Variants in BCL11A observed in about 807,000 individuals in gnomAD.
BCL11A encodes the protein B cell CLL/lymphoma 11A.
A neutral mutation model predicts 55.9 loss-of-function variants in BCL11A; 2 were observed. The observed-to-expected ratio is 0.04, with a 90% CI of 0.01 to 0.11. The LOEUF (loss-of-function observed/expected upper bound fraction) is 0.11. Ranked by LOEUF, BCL11A falls within the 10% of genes least tolerant of loss-of-function variation. The pLI is 1.00. For synonymous variants in BCL11A, 465 were observed against 473.4 expected, an observed-to-expected ratio of 0.98 and a Z score of 0.23; for missense variants, 817 against 1,137.1, an observed-to-expected ratio of 0.72 and a Z score of 4.05.
rs1230951391 is a variant in BCL11A at position 60,459,218 on chromosome 2, TTTGA to T, written c.*1182_*1185del. ...GTATACAAGGTCTTAAAGTTTATCA[TTTGA>T]TTGTCCACTTGACAACCAAGTAGAT... On this transcript the variant is annotated 3_prime_UTR_variant, in exon 4 of 4. Coordinates refer to ENST00000642384, the MANE Select transcript of BCL11A (RefSeq NM_022893.4). 1 of 1,020,472 alleles carries T rather than the reference TTTGA, an allele frequency of 9.8e-7. No individual in the cohort carries two copies. Among genetic ancestry groups the T allele is most frequent in the African/African-American group, 1.7e-5 (1 of 58,658 alleles). 63.2% of individuals were successfully genotyped at this position (1,020,472 alleles called of 1,614,324 possible).
Position 60,468,276 on chromosome 2 carries a change from C to A in BCL11A, c.487+456G>T, listed in dbSNP as rs545834998. On this transcript the variant is annotated intron_variant, in intron 3 of 3. Coordinates refer to ENST00000642384, the MANE Select transcript of BCL11A (RefSeq NM_022893.4). ...ACAACATATACTATGTTCAAATACA[C>A]ATGTAAATACATAAGGAATATGCAT... is the stretch of plus-strand genomic sequence containing the variant. 4.1e-4 allele frequency among the ~76,000 whole-genome samples: 62 copies of A among 152,246 alleles called. 1 individual carries two copies. In the South Asian group the frequency reaches 0.012, roughly 31 times the overall value.
At chr2:60,503,254 T>A (rs1416217883) in intron 2 of BCL11A, among the ~76,000 whole-genome samples, 3 of 152,084 alleles carry the variant, frequency 2.0e-5, no homozygotes, top group Non-Finnish European at 4.4e-5. Context: ...TCTGACCAGG[T>A]GGAAAGCCAG....
chr2:60,467,297 GTAA>G (rs1465898763), intron 3 of BCL11A, among the ~76,000 whole-genome samples: 3 of 77,134 alleles, frequency 3.9e-5, no homozygotes, highest in Admixed American at 1.4e-4. Flanking sequence ...GATGGTGGTG[GTAA>G]TGGTGGTGGT....
chr2:60,467,783 T>G (rs374224694), intron 3 of BCL11A, among the ~76,000 whole-genome samples: 55 of 36,552 alleles, frequency 1.5e-3, no homozygotes, highest in Admixed American at 2.7e-3. Context: ...GATGGTGGTG[T>G]TGATGGTGAT....
rs745626068 is a variant in BCL11A at position 60,507,207 on chromosome 2, AAAGG to A, written c.386-38378_386-38375del. ...CAGAATGCAAAGCAAGACAAGGAAGAAAGGAAGGAAGGAAGGAAGGAAGGAAGGG... is the reference window on the plus strand; with the variant it reads ...CAGAATGCAAAGCAAGACAAGGAAGAAAGGAAGGAAGGAAGGAAGGAAGGG... On this transcript the variant is annotated intron_variant, in intron 2 of 3. Transcript: ENST00000642384. 1.1e-3 allele frequency among the ~76,000 whole-genome samples: 99 copies of A among 89,500 alleles called. No individual in the cohort carries two copies. The East Asian group carries it at 0.012, about 10-fold the overall frequency. 58.7% of individuals were successfully genotyped at this position (89,500 alleles called of 152,430 possible). A position where few individuals can be genotyped will look rare whatever the true frequency, so the allele number is the denominator to read the frequency against.
chr2:60,455,433 G>T (rs1232916369), downstream of BCL11A, among the ~76,000 whole-genome samples: 2 of 152,040 alleles, frequency 1.3e-5, no homozygotes, highest in East Asian at 1.9e-4. Flanking sequence ...TGTTTCTATT[G>T]TTCATCAGCT....
chr2:60,469,967 G>C (rs1174255782), intron 2 of BCL11A, among the ~76,000 whole-genome samples: 1 of 152,170 alleles, frequency 6.6e-6, no homozygotes, highest in African/African-American at 2.4e-5. Context: ...AATATTAAGA[G>C]CACTTAGAAG....
chr2:60,512,553 C>A (rs1178625884), intron 2 of BCL11A, among the ~76,000 whole-genome samples: 3 of 152,312 alleles, frequency 2.0e-5, no homozygotes, highest in Middle Eastern at 3.4e-3. Context: ...GCAGAGAGTA[C>A]ATGCTCAACA....
At chr2:60,479,671 G>A (rs892518295) in intron 2 of BCL11A, among the ~76,000 whole-genome samples, 3 of 152,158 alleles carry the variant, frequency 2.0e-5, no homozygotes, top group African/African-American at 7.2e-5. Flanking sequence ...GGCAAGAACC[G>A]TCCTGTACTC....
At chr2:60,521,094 CACACACTCACA>C (rs1331829364) in intron 2 of BCL11A, among the ~76,000 whole-genome samples, 18 of 79,002 alleles carry the variant, frequency 2.3e-4, no homozygotes, top group East Asian at 1.6e-3. Flanking sequence ...CACACACACA[CACACACTCACA>C]CACACACACA....
rs1359171807 is a variant in BCL11A at position 60,460,528 on chromosome 2, A to T, written c.2384T>A (p.Val795Glu). The change falls in exon 4 of 4, where the codon GTG becomes GAG. Residue 795 changes from valine (V) to glutamate (E), a missense_variant. Coordinates refer to ENST00000642384, the MANE Select transcript of BCL11A (RefSeq NM_022893.4). ...TTCACATTTGTAAACGTCCTTCCCC[A>T]CCTGGCCATGCGTTTTCATGTGCCT... is the stretch of plus-strand genomic sequence containing the variant. ...LTRHMKTHGQ[V>E]GKDVYKCEIC... The T allele has an allele frequency of 6.2e-7, 1 of 1,614,090 alleles. No individual in the cohort carries two copies. The highest frequency in any genetic ancestry group is 8.5e-7 in the Non-Finnish European group (1 of 1,180,036).
chr2:60,461,261 C>G lies in BCL11A; in HGVS notation c.1651G>C (p.Val551Leu). 6.2e-7 allele frequency: 1 copy of G among 1,608,188 alleles called. No homozygotes were observed. Among genetic ancestry groups the G allele is most frequent in the Non-Finnish European group, 8.5e-7 (1 of 1,179,702 alleles). Residue 551 changes from valine to leucine, a missense_variant, in exon 4 of 4, where the codon GTG becomes CTG. By Grantham distance (32) the Val-to-Leu change is conservative. Around this residue, in one of 4 missense-constraint regions of BCL11A, gnomAD observed 379 missense variants for 425.3 expected, o/e 0.89. Transcript: ENST00000642384. ...CTGAAGTGCTGCATGGAGCTGAGCACCATGCCCTGCATGACGTCGGGCAGG... is the reference window on the plus strand; with the variant it reads ...CTGAAGTGCTGCATGGAGCTGAGCAGCATGCCCTGCATGACGTCGGGCAGG... ...RALPDVMQGM[V>L]LSSMQHFSEA...
intron 2 of BCL11A, among the ~76,000 whole-genome samples, chr2:60,481,376 C>G (rs753675898): frequency 6.6e-6 from 1 of 152,108 alleles, no homozygotes. Context: ...AGGGCCTTCT[C>G]TCTGTCTCCC....
At chr2:60,516,549 T>C (rs1229096659) in intron 2 of BCL11A, among the ~76,000 whole-genome samples, 2 of 152,146 alleles carry the variant, frequency 1.3e-5, no homozygotes, top group East Asian at 1.9e-4. Flanking sequence ...CTCACCGTCA[T>C]CCGGGGAAGT....
chr2:60,489,889 T>C (rs952078892), intron 2 of BCL11A, among the ~76,000 whole-genome samples: 5 of 152,192 alleles, frequency 3.3e-5, no homozygotes, highest in African/African-American at 1.2e-4. Flanking sequence ...CCTTATTTTG[T>C]CACATATCAT....
intron 2 of BCL11A, among the ~76,000 whole-genome samples, chr2:60,530,121 A>G (rs1309567320): frequency 6.6e-6 from 1 of 152,168 alleles, no homozygotes; most frequent in Non-Finnish European, 1.5e-5. Flanking sequence ...GGCCAAGAAG[A>G]TAAGAAAATC....
intron 1 of BCL11A, among the ~76,000 whole-genome samples, chr2:60,550,712 A>C (rs1282627133): frequency 2.6e-5 from 4 of 152,192 alleles, no homozygotes; most frequent in Non-Finnish European, 5.9e-5. Context: ...CTCCCAGCCT[A>C]GAGTGTCCCA....
At chr2:60,538,507 C>A (rs1156790479) in intron 2 of BCL11A, 1 of 152,104 alleles carries the variant, frequency 6.6e-6, no homozygotes, top group African/African-American at 2.4e-5. Context: ...TTTCTTTATA[C>A]GTTTTGTGGA....
intron 2 of BCL11A, among the ~76,000 whole-genome samples, chr2:60,473,695 CACTT>C (rs1677352861): frequency 6.6e-6 from 1 of 152,224 alleles, no homozygotes; most frequent in Non-Finnish European, 1.5e-5. Flanking sequence ...CAGTTCTTCT[CACTT>C]AGATTCTCTG....
Sources: allele counts gnomAD v4.1 joint callset (sites outside exome capture counted in the v4.1 genomes callset), GRCh38; gene constraint gnomAD v4.1.1; regional missense constraint gnomAD v4.1.1; transcripts MANE v1.5; gene names NCBI Gene and HGNC (gene_info 2026-07-23, HGNC 2026-07-21).